Variants in RBFOX1 observed in about 807,000 individuals in gnomAD.
RBFOX1 encodes the protein RNA binding fox-1 homolog 1, also known as RNA binding protein fox-1 homolog 1.
RBFOX1 carries 8 observed loss-of-function variants against 57.7 expected under a neutral mutation model. The ratio of observed to expected loss-of-function variants is 0.14; its 90% CI spans 0.08 to 0.25. The LOEUF (loss-of-function observed/expected upper bound fraction) is 0.25, where lower values mean the gene tolerates loss of function less well. Ranked by LOEUF, RBFOX1 falls within the 10% of genes least tolerant of loss-of-function variation. RBFOX1 has a pLI of 1.00. For missense variants in RBFOX1, 611 were observed against 548.5 expected, an observed-to-expected ratio of 1.11 and a Z score of -1.14; for synonymous variants, 326 against 222.4, an observed-to-expected ratio of 1.47 and a Z score of -4.15.
intron 1 of RBFOX1, among the ~76,000 whole-genome samples, chr16:5,363,370 G>A (rs1291298576): frequency 6.6e-6 from 1 of 152,056 alleles, no homozygotes; most frequent in Non-Finnish European, 1.5e-5. Context: ...TTTGGAAGTG[G>A]GATTGCAGAT....
At chr16:6,523,067 C>T (rs545584568) in intron 2 of RBFOX1, among the ~76,000 whole-genome samples, 1 of 152,254 alleles carries the variant, frequency 6.6e-6, no homozygotes, top group South Asian at 2.1e-4. Flanking sequence ...TACGTTTATT[C>T]ATATTTACTG....
chr16:6,873,131 GA>G (rs555045539), intron 3 of RBFOX1, among the ~76,000 whole-genome samples: 2,916 of 132,486 alleles, frequency 0.022, 75 homozygotes, highest in African/African-American at 0.058. Flanking sequence ...CTATGCATTG[GA>G]AAAAAAAAAA....
intron 2 of RBFOX1, among the ~76,000 whole-genome samples, chr16:5,499,691 GTC>G (rs1351754917): frequency 6.6e-6 from 1 of 151,688 alleles, no homozygotes; most frequent in Non-Finnish European, 1.5e-5. Context: ...TCCTGTCTTA[GTC>G]TCCCGAGTAG....
chr16:5,402,795 T>A (rs12918698), intron 1 of RBFOX1, among the ~76,000 whole-genome samples: 3,057 of 152,188 alleles, frequency 0.02, 118 homozygotes, highest in African/African-American at 0.071. Context: ...TTCCTCTGTT[T>A]CCTCTTCCCT....
intron 2 of RBFOX1, among the ~76,000 whole-genome samples, chr16:6,517,036 T>A (rs894575927): frequency 1.3e-5 from 2 of 152,202 alleles, no homozygotes; most frequent in Non-Finnish European, 2.9e-5. Flanking sequence ...ACATAATGAA[T>A]GTTCCTTTTA....
At chr16:6,104,580 C>T (rs2152563126) in intron 1 of RBFOX1, among the ~76,000 whole-genome samples, 1 of 152,276 alleles carries the variant, frequency 6.6e-6, no homozygotes, top group East Asian at 1.9e-4. Context: ...TCTGTTCCCA[C>T]CCTCAGCCCC....
At chr16:7,658,476 G>GCTTC (rs1373797191) in intron 12 of RBFOX1, among the ~76,000 whole-genome samples, 2 of 152,092 alleles carry the variant, frequency 1.3e-5, no homozygotes, top group Non-Finnish European at 2.9e-5. Flanking sequence ...GCCCAGTCTA[G>GCTTC]CTTCCTATGA....
At chr16:7,261,319 T>C (rs1489631540) in intron 4 of RBFOX1, among the ~76,000 whole-genome samples, 2 of 152,194 alleles carry the variant, frequency 1.3e-5, no homozygotes, top group Non-Finnish European at 2.9e-5. Flanking sequence ...CAATAAAAGT[T>C]GGCTTGTGGT....
At chr16:7,247,996 G>T (rs1241198074) in intron 4 of RBFOX1, among the ~76,000 whole-genome samples, 5 of 152,090 alleles carry the variant, frequency 3.3e-5, no homozygotes, top group African/African-American at 4.8e-5. Flanking sequence ...CATGACACAA[G>T]TTTACCCAAA....
intron 3 of RBFOX1, among the ~76,000 whole-genome samples, chr16:6,999,985 T>A (rs1291073144): frequency 6.6e-6 from 1 of 151,550 alleles, no homozygotes; most frequent in Non-Finnish European, 1.5e-5. Flanking sequence ...GGCAGGAGAA[T>A]TGCTTGGACC....
chr16:7,087,526 G>T (rs962097227), intron 4 of RBFOX1, among the ~76,000 whole-genome samples: 2 of 144,282 alleles, frequency 1.4e-5, no homozygotes, highest in African/African-American at 5.0e-5. Flanking sequence ...GAAAAGAGAA[G>T]AAGGGCAAGA....
intron 2 of RBFOX1, among the ~76,000 whole-genome samples, chr16:5,566,605 T>G (rs992651605): frequency 4.0e-5 from 6 of 151,308 alleles, no homozygotes; most frequent in African/African-American, 1.5e-4. Flanking sequence ...TGTATATATG[T>G]GTATATATGT....
At chr16:6,116,566 G>T (rs900462907) in intron 1 of RBFOX1, among the ~76,000 whole-genome samples, 4 of 152,186 alleles carry the variant, frequency 2.6e-5, no homozygotes, top group Admixed American at 2.6e-4. Flanking sequence ...TGGAGATGAA[G>T]CCAGTGCAGG....
chr16:6,110,664 G>C (rs927563305), intron 1 of RBFOX1, among the ~76,000 whole-genome samples: 1 of 152,166 alleles, frequency 6.6e-6, no homozygotes, highest in South Asian at 2.1e-4. Flanking sequence ...AAATAGGAAC[G>C]GAGGAGTTGA....
At chr16:6,621,061 A>G (rs942580168) in intron 2 of RBFOX1, among the ~76,000 whole-genome samples, 6 of 152,206 alleles carry the variant, frequency 3.9e-5, no homozygotes, top group African/African-American at 7.2e-5. Flanking sequence ...GACTGCCAGC[A>G]ATCCTTGGCT....
intron 3 of RBFOX1, among the ~76,000 whole-genome samples, chr16:6,840,038 T>C (rs1363364308): frequency 1.3e-5 from 2 of 152,128 alleles, no homozygotes; most frequent in African/African-American, 2.4e-5. Context: ...GGAAGGATAA[T>C]AAAACAAAAA....
At chr16:5,453,612 A>G (rs891957893) in intron 1 of RBFOX1, among the ~76,000 whole-genome samples, 10 of 152,170 alleles carry the variant, frequency 6.6e-5, no homozygotes, top group African/African-American at 2.2e-4. Context: ...TTAATACACC[A>G]TAGGCAGAGC....
intron 3 of RBFOX1, among the ~76,000 whole-genome samples, chr16:6,934,783 A>G (rs183095104): frequency 3.3e-5 from 5 of 152,224 alleles, no homozygotes; most frequent in African/African-American, 7.2e-5. Context: ...CGCTTTGTGT[A>G]TCACTTGAAT....
intron 2 of RBFOX1, among the ~76,000 whole-genome samples, chr16:5,493,133 G>A (rs752715504): frequency 4.6e-5 from 7 of 152,226 alleles, no homozygotes; most frequent in African/African-American, 7.2e-5. Context: ...TACAGAAAAA[G>A]TGTGTTGACA....
Sources: gnomAD v4.1 joint callset for allele counts (sites outside exome capture counted in the v4.1 genomes callset) on GRCh38, gnomAD v4.1.1 for gene constraint, MANE v1.5 for transcripts, NCBI Gene and HGNC (gene_info 2026-07-23, HGNC 2026-07-21) for gene names.